The following PCM1 variants were observed in gnomAD, a reference collection of about 807,000 sequenced individuals.
PCM1 encodes the protein pericentriolar material 1 protein.
PCM1 carries 157 observed loss-of-function variants against 241.9 expected under a neutral mutation model. The observed-to-expected ratio is 0.65, with a 90% CI of 0.57 to 0.74. The LOEUF is 0.74. Among genes scored for constraint, PCM1 ranks in the 30% least tolerant of loss-of-function variants. The pLI is 0.00. For missense variants in PCM1, 3,478 were observed against 2,360.1 expected (o/e 1.47, Z -9.81); for synonymous variants, 1,085 against 784.9 (o/e 1.38, Z -6.39).
intron 36 of PCM1, among the ~76,000 whole-genome samples, chr8:18,020,302 G>C (rs539221477): frequency 2.7e-4 from 41 of 152,314 alleles, no homozygotes; most frequent in African/African-American, 8.7e-4. Flanking sequence ...GACAGCAGCA[G>C]CTAAATTGAT....
rs143075899 is a variant in PCM1 at position 17,955,441 on chromosome 8, A to G, written c.1289-29A>G. 1.3e-4 allele frequency: 193 copies of G among 1,517,142 alleles called. 1 individual carries two copies. In the African/African-American group the frequency reaches 2.3e-3, roughly 18 times the overall value. The allele number at this position is 1,517,142 out of a possible 1,614,324, so 94.0% of individuals were successfully genotyped here. A position where few individuals can be genotyped will look rare whatever the true frequency, so the allele number is the denominator to read the frequency against. ...TGTTTATGGTAACTGGTGATTAAAA[A>G]AAATTTTTTGTTGTTGTGCCTTCTT... On this transcript the variant is annotated intron_variant, in intron 9 of 38. Transcript: ENST00000325083.
Position 18,006,389 on chromosome 8 carries a change from A to T in PCM1, c.4954A>T (p.Ile1652Leu). Residue 1652 changes from isoleucine (I) to leucine (L), a missense_variant, in exon 30 of 39, where the codon ATA becomes TTA. By Grantham distance (5) the Ile-to-Leu change is conservative. Coordinates refer to ENST00000325083, the MANE Select transcript of PCM1 (RefSeq NM_006197.4). ...GTTCTTTCATAAACAACTTGGAAGT[A>T]TATTACAGGTAAGAGTTTATACTTG... The part of the protein sequence containing the change: ...VKFFHKQLGS[I>L]LQDSLAKFAG... 1 of 1,608,780 alleles carries T rather than the reference A, an allele frequency of 6.2e-7. No homozygotes were observed. Among genetic ancestry groups the T allele is most frequent in the Non-Finnish European group, 8.5e-7 (1 of 1,175,318 alleles).
At position 17,966,384 on chromosome 8, in the gene PCM1, C is replaced by T. The variant is rs1422577855; in HGVS notation, c.3132C>T (p.Ser1044=). The change falls in exon 20 of 39, where the codon AGC becomes AGT. Residue 1044 remains serine (S), a synonymous_variant. Coordinates refer to ENST00000325083, the MANE Select transcript of PCM1 (RefSeq NM_006197.4). ...CGGGTCCTTACAGTGTTATGCCCAG[C>T]AATGTTGCATCTCCTCAAGTACACT... ...LLTGPYSVMP[S]NVASPQVHFI... is the part of the protein sequence containing the mutation. 5 of 1,613,260 alleles carry T rather than the reference C, an allele frequency of 3.1e-6. No individual in the cohort carries two copies. Among genetic ancestry groups the T allele is most frequent in the Non-Finnish European group, 4.2e-6 (5 of 1,179,338 alleles).
At chr8:18,026,422 T>C (rs1014314840) in intron 38 of PCM1, among the ~76,000 whole-genome samples, 2 of 150,614 alleles carry the variant, frequency 1.3e-5, no homozygotes, top group Admixed American at 1.3e-4. Flanking sequence ...CACGCCTGGC[T>C]GATTTTTTTG....
chr8:17,939,905 C>G (rs776249719), intron 6 of PCM1, 44 bp downstream of exon 6: 1 of 1,225,836 alleles, frequency 8.2e-7, no homozygotes, highest in Admixed American at 2.1e-5. Context: ...TTTGTAGTAT[C>G]TCAGTGTGTA....
intron 15 of PCM1, among the ~76,000 whole-genome samples, chr8:17,961,601 G>A (rs568382755): frequency 1.2e-3 from 182 of 152,180 alleles, no homozygotes; most frequent in African/African-American, 3.6e-3. Context: ...GTGAGCCACC[G>A]CTCCCGGCCT....
rs79746322 is a variant in PCM1, at chr8:17,941,681, G to T, written c.783+1820G>T. ...TCTTTTAGTCTGAGAATTCGGCCGT[G>T]CATTGAGGACAAACTAGGGAATTCA... is the stretch of plus-strand genomic sequence containing the variant. On this transcript the variant is annotated intron_variant, in intron 6 of 38. Coordinates refer to ENST00000325083, the MANE Select transcript of PCM1 (RefSeq NM_006197.4). Among the ~76,000 whole-genome samples, 748 of 152,242 alleles carry T rather than the reference G, an allele frequency of 4.9e-3. 8 individuals are homozygous for T. The highest frequency in any genetic ancestry group is 0.017 in the African/African-American group (698 of 41,534).
chr8:18,027,393 C>A (rs2094313022), intron 38 of PCM1, among the ~76,000 whole-genome samples: 1 of 151,972 alleles, frequency 6.6e-6, no homozygotes, highest in South Asian at 2.1e-4. Context: ...TAGTTGTTTT[C>A]TTTTCATAGT....
chr8:17,954,016 A>G (rs1026349210), intron 9 of PCM1, among the ~76,000 whole-genome samples: 1 of 152,284 alleles, frequency 6.6e-6, no homozygotes, highest in East Asian at 1.9e-4. Context: ...TCCACCCACA[A>G]AAGAACCTTA....
At chr8:18,014,514 T>C (rs545754535) in intron 35 of PCM1, 70 bp from the exon 36 acceptor site, 1 of 1,263,110 alleles carries the variant, frequency 7.9e-7, no homozygotes, top group Non-Finnish European at 1.1e-6. Context: ...CGTATTGTCT[T>C]TATTAGTATA....
At chr8:17,977,294 G>A (rs139689741) in intron 23 of PCM1, among the ~76,000 whole-genome samples, 85 of 152,002 alleles carry the variant, frequency 5.6e-4, no homozygotes, top group African/African-American at 1.9e-3. Flanking sequence ...ATGCAGACTC[G>A]GTGGCAGAGG....
chr8:17,996,203 T>C (rs2086671002), intron 29 of PCM1, among the ~76,000 whole-genome samples: 1 of 152,260 alleles, frequency 6.6e-6, no homozygotes, highest in African/African-American at 2.4e-5. Context: ...TGTTGAGGTA[T>C]GTTTCTTCTA....
chr8:17,931,269 G>A (rs948585549), intron 2 of PCM1, among the ~76,000 whole-genome samples: 7 of 152,054 alleles, frequency 4.6e-5, no homozygotes, highest in African/African-American at 1.4e-4. Flanking sequence ...AATAGAATGC[G>A]TAAAACATTC....
Position 17,980,673 on chromosome 8 carries a change from T to A in PCM1, c.4026T>A (p.Val1342=). The A allele has an allele frequency of 6.2e-7, 1 of 1,613,520 alleles. No individual in the cohort carries two copies. Among genetic ancestry groups the A allele is most frequent in the Non-Finnish European group, 8.5e-7 (1 of 1,179,630 alleles). The part of the protein sequence containing the change: ...NRHSAQTEEP[V]QAKVFSRKNH... ...ATTCAGCCCAGACTGAAGAGCCTGT[T>A]CAAGCAAAAGTATTCAGCAGAAAGA... Residue 1342 remains valine (V), a synonymous_variant, in exon 24 of 39, where the codon GTT becomes GTA. Transcript: ENST00000325083.
chr8:17,959,052 C>G (rs138444626), intron 13 of PCM1, among the ~76,000 whole-genome samples: 1 of 152,196 alleles, frequency 6.6e-6, no homozygotes, highest in East Asian at 1.9e-4. Flanking sequence ...CATTAATAAT[C>G]CTATTCTTCT....
chr8:17,946,082 T>C (rs570760848), intron 6 of PCM1, among the ~76,000 whole-genome samples: 7 of 152,312 alleles, frequency 4.6e-5, no homozygotes, highest in African/African-American at 1.7e-4. Context: ...CTGCTTTGCT[T>C]TTCCATTTTC....
intron 4 of PCM1, among the ~76,000 whole-genome samples, chr8:17,937,865 C>G (rs76391621): frequency 6.6e-6 from 1 of 152,076 alleles, no homozygotes; most frequent in African/African-American, 2.4e-5. Flanking sequence ...ATCTATATGT[C>G]ATAGAGACAC....
intron 25 of PCM1, 137 bp from the exon 26 acceptor site, chr8:17,985,822 A>C (rs770118295): frequency 2.8e-6 from 2 of 720,024 alleles, no homozygotes; most frequent in Non-Finnish European, 4.4e-6. Context: ...TGTTTTGTCT[A>C]CTTCCTCACA....
At chr8:17,927,124 A>ATTTTTTTTTT (rs77247841) in intron 2 of PCM1, 7 of 130,438 alleles carry the variant, frequency 5.4e-5, no homozygotes, top group African/African-American at 1.1e-4. Flanking sequence ...GATCACTTTG[A>ATTTTTTTTTT]TTTTTTTTTT....
Sources: gnomAD v4.1 joint callset for allele counts (sites outside exome capture counted in the v4.1 genomes callset) on GRCh38, gnomAD v4.1.1 for gene constraint, MANE v1.5 for transcripts, NCBI Gene and HGNC (gene_info 2026-07-23, HGNC 2026-07-21) for gene names.